SPATA6: variants seen among roughly 807,000 people sequenced by gnomAD.
SPATA6 encodes the protein spermatogenesis associated 6.
SPATA6 carries 56 observed loss-of-function variants against 65.3 expected under a neutral mutation model. That is an observed-to-expected ratio of 0.86 (90% confidence interval 0.69 to 1.07). The LOEUF (loss-of-function observed/expected upper bound fraction) is 1.07, where lower values mean the gene tolerates loss of function less well. SPATA6 is among the 50% of genes least tolerant of loss of function. SPATA6 has a pLI of 0.00. For synonymous variants in SPATA6, 199 were observed against 213.2 expected (o/e 0.93, Z 0.58); for missense variants, 590 against 594.8 (o/e 0.99, Z 0.08).
At chr1:48,352,538 G>T (rs1320733554) in intron 11 of SPATA6, among the ~76,000 whole-genome samples, 1 of 151,828 alleles carries the variant, frequency 6.6e-6, no homozygotes, top group African/African-American at 2.4e-5. Context: ...AAACTGGAGA[G>T]AAAAAATAAT....
At chr1:48,358,398 T>A (rs1260324319) in intron 10 of SPATA6, among the ~76,000 whole-genome samples, 1 of 151,366 alleles carries the variant, frequency 6.6e-6, no homozygotes, top group Non-Finnish European at 1.5e-5. Context: ...TTTATAAAAG[T>A]ATTTATAAAA....
chr1:48,398,757 T>C lies in SPATA6; in HGVS notation c.780+594A>G, dbSNP rs3767619. ...TTAGCCAAAGTCTACTTGATAATCA[T>C]ATAAACACAAGACTCTAAATTTCAA... On this transcript the variant is annotated intron_variant, in intron 7 of 12. Coordinates refer to ENST00000371847, the MANE Select transcript of SPATA6 (RefSeq NM_019073.4). Among the ~76,000 whole-genome samples, 2,980 of 151,880 alleles carry C rather than the reference T, an allele frequency of 0.02. 121 individuals carry two copies. The East Asian group carries it at 0.2, about 10-fold the overall frequency.
intron 3 of SPATA6, chr1:48,448,087 C>A (rs1355742428): frequency 1.3e-5 from 2 of 151,838 alleles, no homozygotes; most frequent in South Asian, 2.1e-4. Context: ...TGGTAAAACC[C>A]CATCTCTACA....
intron 3 of SPATA6, among the ~76,000 whole-genome samples, chr1:48,435,780 G>A (rs182965556): frequency 6.6e-6 from 1 of 152,276 alleles, no homozygotes; most frequent in East Asian, 1.9e-4. Context: ...TAGAGCACTC[G>A]CCTCGCCCCT....
intron 3 of SPATA6, among the ~76,000 whole-genome samples, chr1:48,444,881 T>C (rs753277829): frequency 9.2e-5 from 14 of 152,310 alleles, no homozygotes; most frequent in Non-Finnish European, 1.8e-4. Context: ...AATCATTTGA[T>C]CTGGGGTTAC....
At chr1:48,434,110 G>C (rs1654650804) in intron 3 of SPATA6, among the ~76,000 whole-genome samples, 1 of 151,946 alleles carries the variant, frequency 6.6e-6, no homozygotes, top group Non-Finnish European at 1.5e-5. Context: ...ACTACAAACA[G>C]GTGTCTTTAA....
chr1:48,469,506 T>G (rs1658070115), intron 1 of SPATA6, among the ~76,000 whole-genome samples: 1 of 149,700 alleles, frequency 6.7e-6, no homozygotes, highest in African/African-American at 2.5e-5. Flanking sequence ...ATATGTTGTG[T>G]GGTATGTGAG....
rs142882014 is a variant in SPATA6 at position 48,396,625 on chromosome 1, A to G, written c.781-1271T>C. ...TCTCACATATGCTATAACATAGATG[A>G]ACCTTTATGAATATTATACTAAGTT... On this transcript the variant is annotated intron_variant, in intron 7 of 12. Coordinates refer to ENST00000371847, the MANE Select transcript of SPATA6 (RefSeq NM_019073.4). 2.6e-5 allele frequency among the ~76,000 whole-genome samples: 4 copies of G among 151,868 alleles called. No homozygotes were observed. The East Asian group carries it at 7.7e-4, about 29-fold the overall frequency.
Position 48,399,441 on chromosome 1 carries a change from A to G in SPATA6, c.690T>C (p.Ser230=), listed in dbSNP as rs373213210. ...PYTKRRMCEL[S]EDTRRRLAHL... Reference sequence around the variant, plus strand: ...GGGCCAGCCGCCGCCTGGTGTCTTCAGATAGCTCACACATGCGTCTTTTTG... The same window carrying G: ...GGGCCAGCCGCCGCCTGGTGTCTTCGGATAGCTCACACATGCGTCTTTTTG... Residue 230 remains serine (S), a synonymous_variant, in exon 7 of 13, where the codon TCT becomes TCC. Coordinates refer to ENST00000371847, the MANE Select transcript of SPATA6 (RefSeq NM_019073.4). The G allele has an allele frequency of 1.7e-5, 28 of 1,613,242 alleles. No homozygotes were observed. The Admixed American group carries it at 3.7e-4, about 21-fold the overall frequency.
At chr1:48,360,191 A>G (rs1470746621) in intron 9 of SPATA6, among the ~76,000 whole-genome samples, 2 of 152,162 alleles carry the variant, frequency 1.3e-5, no homozygotes, top group Non-Finnish European at 1.5e-5. Context: ...TGGACACATG[A>G]ACAAATCAGA....
At chr1:48,434,697 GGT>G (rs150440127) in intron 3 of SPATA6, among the ~76,000 whole-genome samples, 7 of 150,788 alleles carry the variant, frequency 4.6e-5, no homozygotes, top group South Asian at 2.1e-4. Context: ...CACTTACGGG[GGT>G]GTGTGTGTGT....
At chr1:48,326,645 T>C (rs1171434117) in intron 11 of SPATA6, among the ~76,000 whole-genome samples, 1 of 151,820 alleles carries the variant, frequency 6.6e-6, no homozygotes, top group African/African-American at 2.4e-5. Flanking sequence ...TAAAACAGCA[T>C]GGTACTAGAA....
intron 11 of SPATA6, among the ~76,000 whole-genome samples, chr1:48,354,304 T>C (rs1180935382): frequency 6.6e-6 from 1 of 152,130 alleles, no homozygotes; most frequent in African/African-American, 2.4e-5. Context: ...GGAGTGTAAC[T>C]GTTAAAACCA....
intron 11 of SPATA6, among the ~76,000 whole-genome samples, chr1:48,311,175 T>A (rs2148666262): frequency 6.6e-6 from 1 of 152,016 alleles, no homozygotes. Context: ...AAAAAGAACA[T>A]CAAACCAAAT....
downstream of SPATA6, among the ~76,000 whole-genome samples, chr1:48,294,608 T>C (rs551246605): frequency 2.0e-5 from 3 of 152,376 alleles, no homozygotes; most frequent in East Asian, 5.8e-4. Flanking sequence ...TCCCAAGTTC[T>C]AGATCTTTAT....
At chr1:48,292,957 C>T (rs1426180759), downstream of SPATA6, among the ~76,000 whole-genome samples, 1 of 152,124 alleles carries the variant, frequency 6.6e-6, no homozygotes, top group Non-Finnish European at 1.5e-5. Flanking sequence ...CAGCTGGGGT[C>T]CATGAAGGAG....
At chr1:48,451,948 T>C (rs1474442747) in intron 2 of SPATA6, among the ~76,000 whole-genome samples, 1 of 152,128 alleles carries the variant, frequency 6.6e-6, no homozygotes, top group Non-Finnish European at 1.5e-5. Context: ...CAAATAAGAG[T>C]AATATAGTCT....
At chr1:48,333,183 G>A (rs988208577) in intron 11 of SPATA6, among the ~76,000 whole-genome samples, 2 of 152,100 alleles carry the variant, frequency 1.3e-5, no homozygotes, top group African/African-American at 4.8e-5. Context: ...CTACCAGTGC[G>A]GCTAGGAAAA....
At chr1:48,278,227 G>A in the SPATA6 span, among the ~76,000 whole-genome samples, 2 of 94,006 alleles carry the variant, frequency 2.1e-5, no homozygotes, top group Admixed American at 1.1e-4. Context: ...CCACAAAGAT[G>A]GGGAAAAAAA....
Sources: gnomAD v4.1 joint callset for allele counts (sites outside exome capture counted in the v4.1 genomes callset) on GRCh38, gnomAD v4.1.1 for gene constraint, MANE v1.5 for transcripts, NCBI Gene and HGNC (gene_info 2026-07-23, HGNC 2026-07-21) for gene names.